ROCK2: variants seen among roughly 807,000 people sequenced by gnomAD.
ROCK2 encodes rho-associated protein kinase 2.
In ROCK2, 61 loss-of-function variants were observed where a neutral mutation model predicts 195.1. That is an observed-to-expected ratio of 0.31 (90% CI 0.25 to 0.39). The LOEUF is 0.39. ROCK2 is among the 10% of genes least tolerant of loss of function. ROCK2 has a pLI of 1.00. For synonymous variants in ROCK2, 504 were observed against 545.5 expected (o/e 0.92, Z 1.06); for missense variants, 1,109 against 1,637.4 (o/e 0.68, Z 5.57).
At chr2:11,329,247 TA>T (rs1480301592) in intron 1 of ROCK2, among the ~76,000 whole-genome samples, 4 of 152,166 alleles carry the variant, frequency 2.6e-5, no homozygotes. Context: ...CCTCTTTATG[TA>T]CTTTGGTGGA....
chr2:11,213,814 T>C (rs1664332796), intron 17 of ROCK2, among the ~76,000 whole-genome samples: 2 of 152,104 alleles, frequency 1.3e-5, no homozygotes, highest in South Asian at 4.1e-4. Flanking sequence ...GTCATTAGAA[T>C]TATCTTTGTG....
intron 3 of ROCK2, among the ~76,000 whole-genome samples, chr2:11,278,760 C>T (rs528995047): frequency 6.6e-6 from 1 of 152,208 alleles, no homozygotes; most frequent in South Asian, 2.1e-4. Context: ...TTACAGGTGC[C>T]TGCCGCCACG....
chr2:11,267,322 G>T (rs1666452209), intron 3 of ROCK2, among the ~76,000 whole-genome samples: 1 of 152,144 alleles, frequency 6.6e-6, no homozygotes, highest in African/African-American at 2.4e-5. Context: ...TGGGAACTCA[G>T]AAAGACTCAC....
chr2:11,227,765 A>G (rs572398427), intron 5 of ROCK2, among the ~76,000 whole-genome samples: 1 of 152,336 alleles, frequency 6.6e-6, no homozygotes, highest in Non-Finnish European at 1.5e-5. Context: ...ACCCAGGAAA[A>G]AGAATCATTA....
At chr2:11,203,247 AG>A (rs2148047487) in intron 20 of ROCK2, among the ~76,000 whole-genome samples, 1 of 152,360 alleles carries the variant, frequency 6.6e-6, no homozygotes, top group South Asian at 2.1e-4. Flanking sequence ...ACCAAAACTA[AG>A]GAGGAATAAA....
intron 23 of ROCK2, among the ~76,000 whole-genome samples, chr2:11,199,736 C>T (rs540372170): frequency 6.6e-6 from 1 of 152,250 alleles, no homozygotes; most frequent in South Asian, 2.1e-4. Flanking sequence ...GTAATAGTTC[C>T]ATCTTCTATT....
rs1262651745 is a variant in ROCK2 at position 11,187,998 on chromosome 2, C to T, written c.4163+4150G>A. 4.0e-5 allele frequency among the ~76,000 whole-genome samples: 6 copies of T among 151,474 alleles called. 1 individual carries two copies. The highest frequency in any genetic ancestry group is 3.9e-4 in the Admixed American group (6 of 15,220). The stretch of plus-strand genomic sequence containing the variant: ...AAACTCGGTAAGTGAGCATTTGTTA[C>T]ATTTTTGCTTTATACTTTTCTGCAT... On this transcript the variant is annotated intron_variant, in intron 32 of 32. Coordinates refer to ENST00000315872, the MANE Select transcript of ROCK2 (RefSeq NM_004850.5).
chr2:11,335,588 G>T (rs1385518362), intron 1 of ROCK2, among the ~76,000 whole-genome samples: 1 of 152,072 alleles, frequency 6.6e-6, no homozygotes, highest in Non-Finnish European at 1.5e-5. Context: ...CCCAAATAGA[G>T]ACCTAACCTA....
At position 11,308,796 on chromosome 2, in the gene ROCK2, C is replaced by T. The variant is rs1017325059; in HGVS notation, c.142-21060G>A. 9.9e-6 allele frequency: 16 copies of T among 1,611,812 alleles called. No individual in the cohort carries two copies. The Admixed American group carries it at 1.2e-4, about 12-fold the overall frequency. ...AGGTTTACCAGCACCAAGTGTTTTGCTTTCATGGAGATGGATGAAATTAAA... is the reference window on the plus strand; with the variant it reads ...AGGTTTACCAGCACCAAGTGTTTTGTTTTCATGGAGATGGATGAAATTAAA... On this transcript the variant is annotated intron_variant, in intron 1 of 32. Coordinates refer to ENST00000315872, the MANE Select transcript of ROCK2 (RefSeq NM_004850.5).
At chr2:11,341,315 G>C (rs1310263363) in intron 1 of ROCK2, among the ~76,000 whole-genome samples, 1 of 152,144 alleles carries the variant, frequency 6.6e-6, no homozygotes, top group African/African-American at 2.4e-5. Context: ...AAATGATAAT[G>C]CTACTCACTC....
chr2:11,191,222 T>C (rs1482379867), intron 32 of ROCK2, among the ~76,000 whole-genome samples: 1 of 152,216 alleles, frequency 6.6e-6, no homozygotes, highest in East Asian at 1.9e-4. Flanking sequence ...GTTCAATGGA[T>C]AGCAATGTTT....
rs150672890 is a variant in ROCK2 at position 11,206,052 on chromosome 2, T to C, written c.2549+1674A>G. Among the ~76,000 whole-genome samples the C allele has an allele frequency of 3.0e-3, 460 of 151,870 alleles. 2 individuals are homozygous for C. The highest frequency in any genetic ancestry group is 9.9e-3 in the African/African-American group (409 of 41,410). On this transcript the variant is annotated intron_variant, in intron 20 of 32. Transcript: ENST00000315872. ...TGAACCCAGGAAGGGAAGGTTGCAG[T>C]GAGCTGAGACCACACTATTGCACTC... is the stretch of plus-strand genomic sequence containing the variant.
chr2:11,277,663 T>C (rs1666872779), intron 3 of ROCK2, among the ~76,000 whole-genome samples: 1 of 152,228 alleles, frequency 6.6e-6, no homozygotes. Context: ...CGTTAATTCA[T>C]TCCTTTTTAT....
At chr2:11,320,182 G>C (rs899281782) in intron 1 of ROCK2, among the ~76,000 whole-genome samples, 6 of 152,226 alleles carry the variant, frequency 3.9e-5, no homozygotes, top group Non-Finnish European at 8.8e-5. Context: ...ACTTACTCAT[G>C]TGGCTAATCA....
intron 32 of ROCK2, among the ~76,000 whole-genome samples, chr2:11,188,775 C>T (rs902968523): frequency 9.2e-5 from 14 of 151,892 alleles, no homozygotes; most frequent in African/African-American, 3.4e-4. Flanking sequence ...AAGTGCCTGC[C>T]ACCACGCCCA....
Position 11,215,592 on chromosome 2 carries a change from C to G in ROCK2, c.1515G>C (p.Lys505Asn). Reference sequence around the variant, plus strand: ...CTGCATTTTTGTGCTGAAGAAGCGCCTTTTCTCTTTCTAACTGTCTTAATG... The same window carrying G: ...CTGCATTTTTGTGCTGAAGAAGCGCGTTTTCTCTTTCTAACTGTCTTAATG... ...ESALRQLERE[K>N]ALLQHKNAEY... The change falls in exon 14 of 33, where the codon AAG becomes AAC. Residue 505 changes from lysine to asparagine, a missense_variant. Physicochemically the swap from Lys to Asn is moderately conservative, Grantham distance 94. Transcript: ENST00000315872. The G allele has an allele frequency of 6.2e-7, 1 of 1,613,452 alleles. No individual in the cohort carries two copies. Among genetic ancestry groups the G allele is most frequent in the Middle Eastern group, 1.7e-4 (1 of 6,056 alleles).
chr2:11,252,634 A>T (rs1390631791), intron 3 of ROCK2, among the ~76,000 whole-genome samples: 1 of 152,210 alleles, frequency 6.6e-6, no homozygotes, highest in Admixed American at 6.5e-5. Flanking sequence ...AAAAAGGATG[A>T]GTTCATGTCC....
intron 1 of ROCK2, among the ~76,000 whole-genome samples, chr2:11,288,667 G>A (rs1232269873): frequency 8.9e-6 from 1 of 112,054 alleles, no homozygotes; most frequent in African/African-American, 2.6e-5. Context: ...GGGAGCCTGG[G>A]AGGGTAAACA....
chr2:11,212,073 A>T (rs767726577), intron 17 of ROCK2, among the ~76,000 whole-genome samples: 3 of 151,718 alleles, frequency 2.0e-5, no homozygotes, highest in African/African-American at 4.8e-5. Context: ...CTCCTGGCTA[A>T]TTTATTTTAT....
Sources: gnomAD v4.1 joint callset for allele counts (sites outside exome capture counted in the v4.1 genomes callset) on GRCh38, gnomAD v4.1.1 for gene constraint, MANE v1.5 for transcripts, NCBI Gene and HGNC (gene_info 2026-07-23, HGNC 2026-07-21) for gene names.